Variants in MGAT5 observed in about 807,000 individuals in gnomAD.
MGAT5 encodes the protein alpha-1,6-mannosylglycoprotein 6-beta-N-acetylglucosaminyltransferase, also known as alpha-1,6-mannosylglycoprotein 6-beta-N-acetylglucosaminyltransferase A.
Under a neutral mutation model 94.3 loss-of-function variants are expected in MGAT5, and 30 were observed. That is an observed-to-expected ratio of 0.32 (90% CI 0.24 to 0.43). The LOEUF (loss-of-function observed/expected upper bound fraction) is 0.43, where lower values mean the gene tolerates loss of function less well. Ranked by LOEUF, MGAT5 falls within the 20% of genes least tolerant of loss-of-function variation. The probability of loss-of-function intolerance (pLI) is 1.00; values close to 1 mark genes in which losing one functional copy is unlikely to be tolerated. For synonymous variants in MGAT5, 310 were observed against 322.9 expected (o/e 0.96, Z 0.43); for missense variants, 691 against 905.5 (o/e 0.76, Z 3.04).
intron 2 of MGAT5, among the ~76,000 whole-genome samples, chr2:134,316,962 A>G (rs555160866): frequency 7.4e-4 from 113 of 152,306 alleles, no homozygotes; most frequent in African/African-American, 2.7e-3. Flanking sequence ...CTTTATGGAA[A>G]TCTAAGGACT....
chr2:134,227,903 G>A (rs1402892912), intron 1 of MGAT5, among the ~76,000 whole-genome samples: 1 of 152,082 alleles, frequency 6.6e-6, no homozygotes, highest in Non-Finnish European at 1.5e-5. Context: ...ACCTAGACAG[G>A]GCTGGTTGGC....
At chr2:134,168,326 C>G (rs1040114472) in intron 1 of MGAT5, among the ~76,000 whole-genome samples, 1 of 151,976 alleles carries the variant, frequency 6.6e-6, no homozygotes, top group Admixed American at 6.6e-5. Context: ...ACAGCTGGAG[C>G]TTTGTATTTG....
chr2:134,373,739 G>A (rs1436837859), intron 10 of MGAT5, among the ~76,000 whole-genome samples: 5 of 152,120 alleles, frequency 3.3e-5, no homozygotes, highest in East Asian at 1.9e-4. Flanking sequence ...AGAGCTCCTC[G>A]TGGCATCTCA....
intron 10 of MGAT5, among the ~76,000 whole-genome samples, chr2:134,392,918 G>A: frequency 6.6e-6 from 1 of 152,110 alleles, no homozygotes; most frequent in Non-Finnish European, 1.5e-5. Flanking sequence ...GGATGGGTCT[G>A]CCCCACACCA....
intron 1 of MGAT5, among the ~76,000 whole-genome samples, chr2:134,208,487 G>A (rs1680128988): frequency 6.6e-6 from 1 of 152,216 alleles, no homozygotes; most frequent in South Asian, 2.1e-4. Flanking sequence ...AGTTTCAGCA[G>A]ATAAGAGAGT....
At position 134,323,867 on chromosome 2, in the gene MGAT5, C is replaced by G. The variant is rs149329877; in HGVS notation, c.573+5128C>G. 6.9e-3 allele frequency among the ~76,000 whole-genome samples: 1,047 copies of G among 152,196 alleles called. 5 individuals are homozygous for G. Among genetic ancestry groups the G allele is most frequent in the Middle Eastern group, 0.014 (4 of 294 alleles). On this transcript the variant is annotated intron_variant, in intron 4 of 15. Transcript: ENST00000281923. ...TGATTCATTAGGCAGCCTTGTATTT[C>G]CAGAACATCAGGCAGTTCATTTTCT...
intron 7 of MGAT5, among the ~76,000 whole-genome samples, chr2:134,342,602 A>G (rs1480189690): frequency 1.3e-5 from 2 of 151,930 alleles, no homozygotes; most frequent in African/African-American, 4.8e-5. Context: ...AAATACAAGA[A>G]TTAACCGGGT....
At chr2:134,133,778 TG>T (rs1169322767) in intron 1 of MGAT5, among the ~76,000 whole-genome samples, 1 of 152,126 alleles carries the variant, frequency 6.6e-6, no homozygotes, top group Non-Finnish European at 1.5e-5. Flanking sequence ...GGGGCAGGCT[TG>T]GCGGTTGTTG....
chr2:134,424,610 C>A (rs1292739552), intron 13 of MGAT5, among the ~76,000 whole-genome samples: 2 of 152,192 alleles, frequency 1.3e-5, no homozygotes, highest in Admixed American at 1.3e-4. Context: ...CTTGATTCTC[C>A]CAGTCCCTTA....
At chr2:134,250,748 A>C (rs553240792), upstream of MGAT5, among the ~76,000 whole-genome samples, 30 of 152,324 alleles carry the variant, frequency 2.0e-4, no homozygotes, top group Non-Finnish European at 3.8e-4. Flanking sequence ...CTCACTAATC[A>C]GAACTGTACT....
chr2:134,188,453 A>G (rs1184087147), intron 1 of MGAT5, among the ~76,000 whole-genome samples: 4 of 152,256 alleles, frequency 2.6e-5, no homozygotes, highest in African/African-American at 9.6e-5. Context: ...TACAGTACCT[A>G]TCCTATGAGG....
intron 1 of MGAT5, 118 bp from the exon 2 acceptor site, chr2:134,270,268 C>A (rs1573661893): frequency 2.0e-6 from 2 of 1,003,394 alleles, no homozygotes; most frequent in Non-Finnish European, 2.9e-6. Flanking sequence ...TTTGACAGAT[C>A]TTTTGTATCA....
chr2:134,362,427 GTCTC>G lies in MGAT5; in HGVS notation c.1380+27_1380+30del, dbSNP rs762224081. 5 of 1,606,406 alleles carry G rather than the reference GTCTC, an allele frequency of 3.1e-6. No homozygotes were observed. Among genetic ancestry groups the G allele is most frequent in the Non-Finnish European group, 1.7e-6 (2 of 1,177,466 alleles). On this transcript the variant is annotated intron_variant, in intron 10 of 15. Coordinates refer to ENST00000281923, the MANE Select transcript of MGAT5 (RefSeq NM_002410.5). ...CTGGAAGGTGAGTCAGTCTGTGCGT[GTCTC>G]TCTCTCTGAAAAGAAGCTTGTTGGG...
chr2:134,298,432 T>C (rs1573736159), intron 2 of MGAT5, among the ~76,000 whole-genome samples: 2 of 152,200 alleles, frequency 1.3e-5, no homozygotes, highest in East Asian at 1.9e-4. Context: ...ATAAAAATTA[T>C]GGTGTTTATA....
intron 14 of MGAT5, among the ~76,000 whole-genome samples, chr2:134,432,450 C>T (rs1296035536): frequency 1.3e-5 from 2 of 152,104 alleles, no homozygotes; most frequent in Non-Finnish European, 2.9e-5. Flanking sequence ...GTTCTGGATG[C>T]AAGGACAAGC....
intron 8 of MGAT5, among the ~76,000 whole-genome samples, chr2:134,347,030 G>T (rs893620355): frequency 2.6e-5 from 4 of 152,106 alleles, no homozygotes; most frequent in African/African-American, 7.2e-5. Context: ...GCTGCCTTGG[G>T]CATCAAAACA....
At chr2:134,356,992 A>G (rs760578990) in intron 9 of MGAT5, among the ~76,000 whole-genome samples, 36 of 151,960 alleles carry the variant, frequency 2.4e-4, no homozygotes, top group Non-Finnish European at 4.3e-4. Flanking sequence ...TGTTTCACTT[A>G]TTTTTATTTT....
At chr2:134,129,967 C>T (rs980985726) in intron 1 of MGAT5, among the ~76,000 whole-genome samples, 2 of 152,210 alleles carry the variant, frequency 1.3e-5, no homozygotes, top group African/African-American at 2.4e-5. Flanking sequence ...GGAACCAGGG[C>T]TGCAGCACTC....
intron 10 of MGAT5, among the ~76,000 whole-genome samples, chr2:134,369,739 G>GTGTA (rs1365481018): frequency 6.6e-6 from 1 of 151,604 alleles, no homozygotes. Flanking sequence ...GTGTGTGTGT[G>GTGTA]TGTGTGTGTG....
Sources: allele counts gnomAD v4.1 joint callset (sites outside exome capture counted in the v4.1 genomes callset), GRCh38; gene constraint gnomAD v4.1.1; transcripts MANE v1.5; gene names NCBI Gene and HGNC (gene_info 2026-07-23, HGNC 2026-07-21).